The following GRIN2A variants were observed in gnomAD, a reference collection of about 807,000 sequenced individuals.
GRIN2A encodes glutamate receptor ionotropic, NMDA 2A.
Under a neutral mutation model 113.4 loss-of-function variants are expected in GRIN2A, and 22 were observed. The ratio of observed to expected loss-of-function variants is 0.19; its 90% confidence interval spans 0.14 to 0.28. GRIN2A has a LOEUF of 0.28. Ranked by LOEUF, GRIN2A falls within the 10% of genes least tolerant of loss-of-function variation. GRIN2A has a pLI of 1.00. For synonymous variants in GRIN2A, 827 were observed against 738.4 expected, an observed-to-expected ratio of 1.12 and a Z score of -1.94; for missense variants, 1,502 against 1,887.0, an observed-to-expected ratio of 0.80 and a Z score of 3.78.
intron 2 of GRIN2A, among the ~76,000 whole-genome samples, chr16:10,014,896 T>A (rs1452331664): frequency 6.6e-6 from 1 of 152,052 alleles, no homozygotes; most frequent in Admixed American, 6.6e-5. Context: ...AAATTTAGCA[T>A]CTACAGGAGG....
At chr16:9,997,226 C>T (rs1038603715) in intron 2 of GRIN2A, among the ~76,000 whole-genome samples, 1 of 152,122 alleles carries the variant, frequency 6.6e-6, no homozygotes. Flanking sequence ...GTTGGAGATG[C>T]TATAATTGAA....
intron 2 of GRIN2A, among the ~76,000 whole-genome samples, chr16:10,068,518 C>T (rs540777162): frequency 5.9e-5 from 9 of 152,274 alleles, no homozygotes; most frequent in East Asian, 1.9e-4. Context: ...CAAAGTAACT[C>T]GGAGCAAGAG....
At chr16:9,890,600 C>T (rs1237423939) in intron 4 of GRIN2A, among the ~76,000 whole-genome samples, 1 of 152,142 alleles carries the variant, frequency 6.6e-6, no homozygotes, top group Non-Finnish European at 1.5e-5. Context: ...ACAGAGGGTT[C>T]GTTCATATGG....
intron 3 of GRIN2A, among the ~76,000 whole-genome samples, chr16:9,904,065 G>T (rs373910037): frequency 6.6e-6 from 1 of 152,346 alleles, no homozygotes; most frequent in East Asian, 1.9e-4. Context: ...ATCCACAACT[G>T]TTGGTGTTTA....
chr16:10,057,191 C>T (rs9940731), intron 2 of GRIN2A, among the ~76,000 whole-genome samples: 3,079 of 152,258 alleles, frequency 0.02, 109 homozygotes, highest in African/African-American at 0.069. Flanking sequence ...TGTACAATGG[C>T]GACAACAGTA....
intron 3 of GRIN2A, among the ~76,000 whole-genome samples, chr16:9,914,525 C>G (rs908343953): frequency 6.6e-6 from 1 of 152,312 alleles, no homozygotes; most frequent in African/African-American, 2.4e-5. Flanking sequence ...TTCTTCTCAC[C>G]GTGTTAAACC....
Position 9,763,021 on chromosome 16 carries a change from A to G in GRIN2A, c.*128T>C, listed in dbSNP as rs1191369323. On this transcript the variant is annotated 3_prime_UTR_variant, in exon 13 of 13. Coordinates refer to ENST00000330684, the MANE Select transcript of GRIN2A (RefSeq NM_001134407.3). ...GCCGTGTGCAAAAGAGCCAACAACAACAACAACAAAATACCTCCCTACATC... is the reference window on the plus strand; with the variant it reads ...GCCGTGTGCAAAAGAGCCAACAACAGCAACAACAAAATACCTCCCTACATC... 1.1e-6 allele frequency: 1 copy of G among 946,786 alleles called. No homozygotes were observed. The highest frequency in any genetic ancestry group is 1.6e-6 in the Non-Finnish European group (1 of 620,468). 58.6% of individuals were successfully genotyped at this position (946,786 alleles called of 1,614,324 possible).
intron 2 of GRIN2A, among the ~76,000 whole-genome samples, chr16:10,144,927 A>AAAAG (rs2049406417): frequency 6.7e-6 from 1 of 150,200 alleles, no homozygotes. Flanking sequence ...TCTCAAAAAA[A>AAAAG]AAAAAAAAAA....
At chr16:10,021,472 G>C (rs150875422) in intron 2 of GRIN2A, among the ~76,000 whole-genome samples, 13 of 152,270 alleles carry the variant, frequency 8.5e-5, no homozygotes, top group Admixed American at 2.0e-4. Context: ...CAGACTCCAA[G>C]CTCTTCGCCA....
rs1051876162 is a variant in GRIN2A at position 9,757,820 on chromosome 16, A to G, written c.*5329T>C. On this transcript the variant is annotated 3_prime_UTR_variant, in exon 13 of 13. Coordinates refer to ENST00000330684, the MANE Select transcript of GRIN2A (RefSeq NM_001134407.3). Reference sequence around the variant, plus strand: ...AAGACAGGGATTGTGAGGGAGTTTAAAGGAAAACCAAATTCAAAGAAGCAT... The same window carrying G: ...AAGACAGGGATTGTGAGGGAGTTTAGAGGAAAACCAAATTCAAAGAAGCAT... 1 of 223,808 alleles carries G rather than the reference A, an allele frequency of 4.5e-6. No homozygotes were observed. Among genetic ancestry groups the G allele is most frequent in the Admixed American group, 5.7e-5 (1 of 17,448 alleles). The allele number at this position is 223,808 out of a possible 1,614,324, so 13.9% of individuals were successfully genotyped here.
intron 2 of GRIN2A, among the ~76,000 whole-genome samples, chr16:10,060,444 C>T (rs1243101404): frequency 2.0e-5 from 3 of 152,190 alleles, no homozygotes; most frequent in African/African-American, 2.4e-5. Flanking sequence ...TAGGGTTCCT[C>T]CGCTAGCCAG....
At position 9,763,111 on chromosome 16, in the gene GRIN2A, G is replaced by T; in HGVS notation, c.*38C>A. 7 of 1,594,146 alleles carry T rather than the reference G, an allele frequency of 4.4e-6. No homozygotes were observed. Among genetic ancestry groups the T allele is most frequent in the Non-Finnish European group, 4.3e-6 (5 of 1,163,618 alleles). On this transcript the variant is annotated 3_prime_UTR_variant, in exon 13 of 13. Transcript: ENST00000330684. ...TACCCTCCAGAACATTGGCCATTAC[G>T]TATATTTCCCTATAGATAAAACATT...
intron 11 of GRIN2A, among the ~76,000 whole-genome samples, chr16:9,786,408 C>G (rs1326144281): frequency 2.6e-5 from 4 of 152,142 alleles, no homozygotes; most frequent in Non-Finnish European, 4.4e-5. Context: ...GGGCCTGAGG[C>G]ATGGACGAGT....
At chr16:9,900,538 A>C (rs146172251) in intron 3 of GRIN2A, among the ~76,000 whole-genome samples, 62 of 152,324 alleles carry the variant, frequency 4.1e-4, no homozygotes, top group African/African-American at 1.4e-3. Flanking sequence ...TCCCAACTCC[A>C]CAGAGCATAC....
chr16:9,857,313 C>T (rs746021145), intron 4 of GRIN2A, among the ~76,000 whole-genome samples: 3 of 152,064 alleles, frequency 2.0e-5, no homozygotes, highest in East Asian at 1.9e-4. Context: ...CAATAATATA[C>T]GAATTGACTC....
intron 4 of GRIN2A, among the ~76,000 whole-genome samples, chr16:9,852,669 C>T (rs996056788): frequency 5.9e-5 from 9 of 152,166 alleles, no homozygotes; most frequent in African/African-American, 2.2e-4. Context: ...AGAGCTCTTA[C>T]CTTCTTTTCT....
intron 2 of GRIN2A, among the ~76,000 whole-genome samples, chr16:10,005,261 A>T (rs1279735112): frequency 6.6e-6 from 1 of 152,246 alleles, no homozygotes; most frequent in African/African-American, 2.4e-5. Flanking sequence ...AGATTTAGAT[A>T]TCAGAAGCTA....
intron 2 of GRIN2A, among the ~76,000 whole-genome samples, chr16:10,097,184 C>T (rs2048310822): frequency 6.6e-6 from 1 of 152,146 alleles, no homozygotes; most frequent in Admixed American, 6.5e-5. Context: ...GCTGTTTGGT[C>T]TTCGTGGTAT....
rs886051634 is a variant in GRIN2A at position 9,938,398 on chromosome 16, T to C, written c.568A>G (p.Thr190Ala). The C allele has an allele frequency of 1.1e-5, 17 of 1,614,136 alleles. No homozygotes were observed. Among genetic ancestry groups the C allele is most frequent in the Non-Finnish European group, 1.3e-5 (15 of 1,179,994 alleles). Residue 190 changes from threonine (T) to alanine (A), a missense_variant, in exon 3 of 13, where the codon ACA (threonine) becomes GCA (alanine). Thr to Ala is a moderately conservative substitution (Grantham distance 58). Coordinates refer to ENST00000330684, the MANE Select transcript of GRIN2A (RefSeq NM_001134407.3). ...YREFISFVKT[T>A]VDNSFVGWDM... ...CAGCCCACAAAGCTGTTGTCCACTGTGGTCTTGACGAAGCTGATGAATTCC... is the reference window on the plus strand; with the variant it reads ...CAGCCCACAAAGCTGTTGTCCACTGCGGTCTTGACGAAGCTGATGAATTCC...
Sources: gnomAD v4.1 joint callset for allele counts (sites outside exome capture counted in the v4.1 genomes callset) on GRCh38, gnomAD v4.1.1 for gene constraint, MANE v1.5 for transcripts, NCBI Gene and HGNC (gene_info 2026-07-23, HGNC 2026-07-21) for gene names.